TSPAN1: variants seen among roughly 807,000 people sequenced by gnomAD.
The protein encoded by TSPAN1 is tetraspanin-1.
In TSPAN1, 23 loss-of-function variants were observed where a neutral mutation model predicts 26.9. That is an observed-to-expected ratio of 0.85 (90% CI 0.62 to 1.21). TSPAN1 has a LOEUF of 1.21. Among genes scored for constraint, TSPAN1 ranks in the 50% most tolerant of loss-of-function variants. TSPAN1 has a pLI of 0.00. For synonymous variants in TSPAN1, 115 were observed against 114.8 expected (o/e 1.00, Z -0.01); for missense variants, 283 against 298.4 (o/e 0.95, Z 0.38).
chr1:46,195,909 T>C, the TSPAN1 span: 1 of 1,614,116 alleles, frequency 6.2e-7, no homozygotes, highest in South Asian at 1.1e-5. Flanking sequence ...AACACACGTT[T>C]TGCCATCACG....
At chr1:46,194,692 C>A in the TSPAN1 span, 1 of 1,614,236 alleles carries the variant, frequency 6.2e-7, no homozygotes, top group African/African-American at 1.3e-5. Flanking sequence ...GGCCCAGACA[C>A]CAGTTTGGGG....
At chr1:46,177,354 T>C (rs1265016765) in intron 1 of TSPAN1, among the ~76,000 whole-genome samples, 2 of 91,454 alleles carry the variant, frequency 2.2e-5, no homozygotes, top group Non-Finnish European at 4.0e-5. Flanking sequence ...AAAAAATATA[T>C]CTATCTATCT....
intron 1 of TSPAN1, among the ~76,000 whole-genome samples, chr1:46,177,335 C>CA (rs200620983): frequency 0.03 from 4,077 of 137,916 alleles, 167 homozygotes; most frequent in African/African-American, 0.092. Context: ...AACTCTGTCT[C>CA]AAAAAAAAAA....
intron 1 of TSPAN1, chr1:46,175,965 C>T (rs1349909382): frequency 1.4e-5 from 7 of 514,704 alleles, no homozygotes; most frequent in Admixed American, 1.0e-4. Context: ...CTCTGCCTCC[C>T]GGGTTCAAGC....
At chr1:46,194,058 T>A in the TSPAN1 span, 1 of 1,544,808 alleles carries the variant, frequency 6.5e-7, no homozygotes, top group South Asian at 1.2e-5. Context: ...TCTTCCCTGT[T>A]CTGGGCTCTC....
chr1:46,189,787 C>T (rs971650075), downstream of TSPAN1: 13 of 1,605,484 alleles, frequency 8.1e-6, no homozygotes, highest in African/African-American at 1.7e-4. Flanking sequence ...CAAAGGCTCC[C>T]TGGATCTTGG....
chr1:46,196,128 GTC>G, the TSPAN1 span: 1 of 1,612,708 alleles, frequency 6.2e-7, no homozygotes, highest in African/African-American at 1.3e-5. The surrounding 1 kb of genome is among the most constrained non-coding windows in gnomAD (Gnocchi z 4.4). Context: ...CATTCAAGGT[GTC>G]TCTGTCTTAG....
the TSPAN1 span, chr1:46,194,061 G>C: frequency 6.5e-7 from 1 of 1,544,878 alleles, no homozygotes; most frequent in Non-Finnish European, 8.8e-7. Context: ...TCCCTGTTCT[G>C]GGCTCTCCAC....
chr1:46,190,636 C>A (rs1161711218), downstream of TSPAN1: 31 of 1,536,450 alleles, frequency 2.0e-5, no homozygotes, highest in South Asian at 3.4e-4. Flanking sequence ...AGTAAACACA[C>A]AGGCCCAGCA....
the TSPAN1 span, chr1:46,193,482 G>C: frequency 6.2e-7 from 1 of 1,611,814 alleles, no homozygotes; most frequent in Non-Finnish European, 8.5e-7. Flanking sequence ...CCCTTGCCTG[G>C]GCGGTCTCCC....
Position 46,185,240 on chromosome 1 carries a change from C to T in TSPAN1, c.610C>T (p.Leu204Phe), listed in dbSNP as rs1657402089. The part of the protein sequence containing the change: ...DQKVEGCFNQ[L>F]LYDIRTNAVT... Reference sequence around the variant, plus strand: ...CTTCCTGAAGGGTTGCTTCAATCAGCTTTTGTATGACATCCGAACTAATGC... The same window carrying T: ...CTTCCTGAAGGGTTGCTTCAATCAGTTTTTGTATGACATCCGAACTAATGC... Residue 204 changes from leucine (L) to phenylalanine (F), a missense_variant, in exon 8 of 9, where the codon CTT becomes TTT. Leu to Phe is a conservative substitution (Grantham distance 22). Coordinates refer to ENST00000372003, the MANE Select transcript of TSPAN1 (RefSeq NM_005727.4). 1.2e-6 allele frequency: 2 copies of T among 1,614,162 alleles called. No individual in the cohort carries two copies. The highest frequency in any genetic ancestry group is 2.7e-5 in the African/African-American group (2 of 75,044).
At chr1:46,183,813 AGAG>A (rs1190696692) in intron 3 of TSPAN1, 2 of 258,876 alleles carry the variant, frequency 7.7e-6, no homozygotes, top group Admixed American at 5.3e-5. Flanking sequence ...ATCAGAGGAC[AGAG>A]GTGTTCTAGG....
At chr1:46,196,324 GC>G in the TSPAN1 span, among the ~76,000 whole-genome samples, 6 of 152,100 alleles carry the variant, frequency 3.9e-5, no homozygotes, top group Admixed American at 3.3e-4. The surrounding 1 kb of genome is among the most constrained non-coding windows in gnomAD (Gnocchi z 4.4). Flanking sequence ...TAGAGCCTCT[GC>G]TGTCTCTGCT....
downstream of TSPAN1, among the ~76,000 whole-genome samples, chr1:46,188,231 C>T (rs1657481830): frequency 6.6e-6 from 1 of 152,216 alleles, no homozygotes; most frequent in Admixed American, 6.5e-5. Context: ...CCTACATCTC[C>T]ATCTGCACCC....
At chr1:46,192,100 G>A in the TSPAN1 span, 1 of 1,613,830 alleles carries the variant, frequency 6.2e-7, no homozygotes, top group Non-Finnish European at 8.5e-7. Flanking sequence ...CCACTCACGT[G>A]AAAGTAGCCA....
chr1:46,184,802 G>A lies in TSPAN1; in HGVS notation c.357G>A (p.Thr119=), dbSNP rs140948297. 2.6e-5 allele frequency: 42 copies of A among 1,614,186 alleles called. No homozygotes were observed. The African/African-American group carries it at 4.5e-4, about 17-fold the overall frequency. ...TCACCCAGGCTGAGCACTTCCTGAC[G>A]TTGCTGGTAGTGCCTGCCATCAAGA... The part of the protein sequence containing the change: ...VYTTMAEHFL[T]LLVVPAIKKD... Residue 119 remains threonine, a synonymous_variant, in exon 6 of 9, where the codon ACG becomes ACA. Coordinates refer to ENST00000372003, the MANE Select transcript of TSPAN1 (RefSeq NM_005727.4).
downstream of TSPAN1, chr1:46,190,695 C>A: frequency 6.2e-7 from 1 of 1,600,404 alleles, no homozygotes; most frequent in Non-Finnish European, 8.6e-7. Flanking sequence ...AGATATCCAC[C>A]CCTTGCCCTG....
downstream of TSPAN1, among the ~76,000 whole-genome samples, chr1:46,187,203 C>A (rs899930162): frequency 6.6e-6 from 1 of 152,238 alleles, no homozygotes; most frequent in African/African-American, 2.4e-5. Flanking sequence ...GTCCCACAGG[C>A]TTCTGTGAAG....
chr1:46,180,070 G>A lies in TSPAN1; in HGVS notation c.-141-456G>A, dbSNP rs538220284. On this transcript the variant is annotated intron_variant, in intron 1 of 8. Coordinates refer to ENST00000372003, the MANE Select transcript of TSPAN1 (RefSeq NM_005727.4). ...GTTGTTTGTTAGTTGCTGGGAGTCA[G>A]TCCACAAAGAATTTAGTGTGCGTGT... Among the ~76,000 whole-genome samples the A allele has an allele frequency of 1.1e-4, 17 of 152,278 alleles. No individual in the cohort carries two copies. In the South Asian group the frequency reaches 3.3e-3, roughly 30 times the overall value.
Sources: allele counts gnomAD v4.1 joint callset (sites outside exome capture counted in the v4.1 genomes callset), GRCh38; gene constraint gnomAD v4.1.1; non-coding constraint Gnocchi (gnomAD v3.1); transcripts MANE v1.5; gene names NCBI Gene and HGNC (gene_info 2026-07-23, HGNC 2026-07-21).